Variants in EHD1 observed in about 807,000 individuals in gnomAD.
EHD1 encodes the protein EH domain containing 1.
In EHD1, 19 loss-of-function variants were observed where a neutral mutation model predicts 39.0. The observed-to-expected ratio is 0.49, with a 90% CI of 0.34 to 0.72. EHD1 has a LOEUF of 0.72. Ranked by LOEUF, EHD1 falls within the 30% of genes least tolerant of loss-of-function variation. The probability of loss-of-function intolerance (pLI) is 0.01; values close to 1 mark genes in which losing one functional copy is unlikely to be tolerated. For missense variants in EHD1, 542 were observed against 751.5 expected (o/e 0.72, Z 3.26); for synonymous variants, 323 against 331.2 (o/e 0.98, Z 0.27).
At position 64,861,328 on chromosome 11, in the gene EHD1, G is replaced by A. The variant is rs112442394; in HGVS notation, c.503-992C>T. Among the ~76,000 whole-genome samples, 830 of 152,210 alleles carry A rather than the reference G, an allele frequency of 5.5e-3. 9 individuals are homozygous for A. The highest frequency in any genetic ancestry group is 0.019 in the African/African-American group (779 of 41,528). ...ATAAACAGGTGCTAATGCAAAGGTC[G>A]TCCCACAGTGCAAGCTCTAAGGTGG... On this transcript the variant is annotated intron_variant, in intron 2 of 4. Transcript: ENST00000320631.
In EHD1 at chr11:64,878,074, C is replaced by T. The variant is rs1201657003; in HGVS notation, c.391G>A (p.Ala131Thr). ...PFRKLNAFGN[A>T]FLNRFMCAQL... ...ATGGGTGGGTACCTGTTGAGGAAAG[C>T]GTTGCCAAACGCGTTGAGCTTGCGG... The change falls in exon 1 of 5, where the codon GCT becomes ACT. Residue 131 changes from alanine to threonine, a missense_variant. Transcript: ENST00000320631. The T allele has an allele frequency of 1.3e-6, 2 of 1,522,038 alleles. No individual in the cohort carries two copies. The highest frequency in any genetic ancestry group is 1.8e-6 in the Non-Finnish European group (2 of 1,138,300). 94.3% of individuals were successfully genotyped at this position (1,522,038 alleles called of 1,614,324 possible). A position where few individuals can be genotyped will look rare whatever the true frequency, so the allele number is the denominator to read the frequency against.
rs1043264835 is a variant in EHD1 at position 64,854,274 on chromosome 11, TC to T, written c.*58del. On this transcript the variant is annotated 3_prime_UTR_variant, in exon 5 of 5. Transcript: ENST00000320631. ...CCTTGAGAAATGGTGAGGCTTCCCC[TC>T]CCCCCGTCTCTGCCTCCCGGCCGGG... 23 of 1,524,400 alleles carry T rather than the reference TC, an allele frequency of 1.5e-5. No individual in the cohort carries two copies. The highest frequency in any genetic ancestry group is 7.0e-5 in the East Asian group (3 of 42,762). 94.4% of individuals were successfully genotyped at this position (1,524,400 alleles called of 1,614,324 possible). A position where few individuals can be genotyped will look rare whatever the true frequency, so the allele number is the denominator to read the frequency against.
At position 64,859,719 on chromosome 11, in the gene EHD1, G is replaced by A. The variant is rs893389204; in HGVS notation, c.915+205C>T. 15 of 693,298 alleles carry A rather than the reference G, an allele frequency of 2.2e-5. No individual in the cohort carries two copies. In the East Asian group the frequency reaches 3.9e-4, roughly 18 times the overall value. 42.9% of individuals were successfully genotyped at this position (693,298 alleles called of 1,614,324 possible). The stretch of plus-strand genomic sequence containing the variant: ...CACAAACAGAACAGGTTTAGAGGGA[G>A]GCCGGGTAGAGAATCTTAGTTAAGA... On this transcript the variant is annotated intron_variant, in intron 3 of 4. Coordinates refer to ENST00000320631, the MANE Select transcript of EHD1 (RefSeq NM_006795.4).
intron 1 of EHD1, among the ~76,000 whole-genome samples, chr11:64,874,783 T>A (rs1943868132): frequency 6.6e-6 from 1 of 152,092 alleles, no homozygotes; most frequent in Non-Finnish European, 1.5e-5. Context: ...GTTTGAGAGG[T>A]CAACTTTCAA....
Position 64,854,103 on chromosome 11 carries a change from T to TA in EHD1, c.*229dup, listed in dbSNP as rs1314601971. 8 of 740,722 alleles carry TA rather than the reference T, an allele frequency of 1.1e-5. No homozygotes were observed. The Admixed American group carries it at 2.4e-4, about 22-fold the overall frequency. 45.9% of individuals were successfully genotyped at this position (740,722 alleles called of 1,614,324 possible). ...CGACAAAGAACGCAGCCTCTAACGT[T>TA]ATATATTAAAATAGCCACAGTTCTT... On this transcript the variant is annotated 3_prime_UTR_variant, in exon 5 of 5. Transcript: ENST00000320631.
Position 64,868,542 on chromosome 11 carries a change from A to C in EHD1, c.502+5879T>G, listed in dbSNP as rs1439917304. 6.6e-6 allele frequency among the ~76,000 whole-genome samples: 1 copy of C among 152,222 alleles called. No individual in the cohort carries two copies. Among genetic ancestry groups the C allele is most frequent in the Non-Finnish European group, 1.5e-5 (1 of 68,036 alleles). On this transcript the variant is annotated intron_variant, in intron 2 of 4. Coordinates refer to ENST00000320631, the MANE Select transcript of EHD1 (RefSeq NM_006795.4). The surrounding 1 kb of genome is among the most constrained non-coding windows in gnomAD (Gnocchi z 4.2). Reference sequence around the variant, plus strand: ...TCTCAAACACACAGATGCAGCTCAGAAGCATCCTGCTAAGTGAAGGTGGAA... The same window carrying C: ...TCTCAAACACACAGATGCAGCTCAGCAGCATCCTGCTAAGTGAAGGTGGAA...
At chr11:64,876,583 G>C (rs1404560928) in intron 1 of EHD1, among the ~76,000 whole-genome samples, 2 of 152,232 alleles carry the variant, frequency 1.3e-5, no homozygotes, top group African/African-American at 4.8e-5. Flanking sequence ...GCAAAAGCCA[G>C]GCAGTCAGTG....
Position 64,854,486 on chromosome 11 carries a change from G to A in EHD1, c.1452C>T (p.Ile484=). The A allele has an allele frequency of 6.2e-7, 1 of 1,614,182 alleles. No individual in the cohort carries two copies. Among genetic ancestry groups the A allele is most frequent in the Non-Finnish European group, 8.5e-7 (1 of 1,179,998 alleles). Residue 484 remains isoleucine (I), a synonymous_variant, in exon 5 of 5, where the codon ATC becomes ATT. Transcript: ENST00000320631. ...CCTTGTCCACGTCGGCCAGCTTCCA[G>A]ATCTTCCCTAGCACGGTGTTGGGGA... The part of the protein sequence containing the change: ...SKLPNTVLGK[I]WKLADVDKDG...
At chr11:64,858,950 GCA>G (rs1192964419) in intron 3 of EHD1, among the ~76,000 whole-genome samples, 1 of 152,180 alleles carries the variant, frequency 6.6e-6, no homozygotes, top group Non-Finnish European at 1.5e-5. Context: ...TGGCTTCCAT[GCA>G]CAGTGCTCCC....
At chr11:64,877,705 C>T (rs1200635763) in intron 1 of EHD1, 2 of 246,708 alleles carry the variant, frequency 8.1e-6, no homozygotes, top group African/African-American at 2.2e-5. Flanking sequence ...TTAGGTGCAT[C>T]CAGCCTGCGG....
chr11:64,862,013 T>TC (rs1206020625), intron 2 of EHD1, among the ~76,000 whole-genome samples: 1 of 151,996 alleles, frequency 6.6e-6, no homozygotes, highest in African/African-American at 2.4e-5. Flanking sequence ...GCTCAAGCCA[T>TC]CCCCCCCACC....
chr11:64,876,813 C>T (rs1183380992), intron 1 of EHD1, among the ~76,000 whole-genome samples: 1 of 152,250 alleles, frequency 6.6e-6, no homozygotes, highest in African/African-American at 2.4e-5. Context: ...CTCTTCAGGA[C>T]CCTTAGCCCA....
intron 2 of EHD1, among the ~76,000 whole-genome samples, chr11:64,866,510 C>T (rs1030992213): frequency 2.6e-5 from 4 of 151,830 alleles, no homozygotes; most frequent in African/African-American, 9.7e-5. Flanking sequence ...AGCGAGACCC[C>T]CCTCTACAAA....
chr11:64,861,459 G>T (rs1446470755), intron 2 of EHD1, among the ~76,000 whole-genome samples: 1 of 152,150 alleles, frequency 6.6e-6, no homozygotes, highest in Admixed American at 6.5e-5. Context: ...GTATGCCCTG[G>T]GACGGTAGTG....
chr11:64,877,380 G>A (rs1423659708), intron 1 of EHD1, among the ~76,000 whole-genome samples: 1 of 152,176 alleles, frequency 6.6e-6, no homozygotes, highest in Non-Finnish European at 1.5e-5. Context: ...GAAGGGCTTA[G>A]GGCCAGAATC....
At position 64,854,806 on chromosome 11, in the gene EHD1, G is replaced by C; in HGVS notation, c.1132C>G (p.Leu378Val). Residue 378 changes from leucine (L) to valine (V), a missense_variant, in exon 5 of 5, where the codon CTG (leucine) becomes GTG (valine). By Grantham distance (32) the Leu-to-Val change is conservative. Coordinates refer to ENST00000320631, the MANE Select transcript of EHD1 (RefSeq NM_006795.4). ...FSKFQALKPK[L>V]LDTVDDMLAN... ...AGCATGTCATCCACCGTGTCCAGCA[G>C]CTTGGGCTTCAGCGCCTGGAACTTG... is the stretch of plus-strand genomic sequence containing the variant. The C allele has an allele frequency of 6.2e-7, 1 of 1,602,930 alleles. No homozygotes were observed. The highest frequency in any genetic ancestry group is 8.5e-7 in the Non-Finnish European group (1 of 1,179,966).
chr11:64,871,340 C>T (rs775791043), intron 2 of EHD1, among the ~76,000 whole-genome samples: 4 of 152,148 alleles, frequency 2.6e-5, no homozygotes, highest in South Asian at 2.1e-4. Context: ...TGCTCCACTC[C>T]GACCTCCTCC....
intron 2 of EHD1, among the ~76,000 whole-genome samples, chr11:64,864,289 C>A (rs1467506448): frequency 1.3e-5 from 2 of 152,260 alleles, no homozygotes; most frequent in Non-Finnish European, 2.9e-5. Flanking sequence ...AGCAGAGCTG[C>A]CAGGTTCCCT....
rs976399241 is a variant in EHD1 at position 64,868,695 on chromosome 11, T to C, written c.502+5726A>G. Among the ~76,000 whole-genome samples the C allele has an allele frequency of 1.2e-4, 18 of 152,322 alleles. No individual in the cohort carries two copies. The highest frequency in any genetic ancestry group is 7.2e-4 in the Admixed American group (11 of 15,304). ...GAGGGGCACGGGAACTTTCAGGCGA[T>C]GGGAATACTCTCTGTCATGGTGGCG... On this transcript the variant is annotated intron_variant, in intron 2 of 4. Transcript: ENST00000320631. The surrounding 1 kb of genome is among the most constrained non-coding windows in gnomAD (Gnocchi z 4.2).
Sources: allele counts gnomAD v4.1 joint callset (sites outside exome capture counted in the v4.1 genomes callset), GRCh38; gene constraint gnomAD v4.1.1; non-coding constraint Gnocchi (gnomAD v3.1); transcripts MANE v1.5; gene names NCBI Gene and HGNC (gene_info 2026-07-23, HGNC 2026-07-21).